Variants in HECTD4 observed in about 807,000 individuals in gnomAD.
HECTD4 encodes probable E3 ubiquitin-protein ligase HECTD4.
HECTD4 carries 114 observed loss-of-function variants against 471.5 expected under a neutral mutation model. The ratio of observed to expected loss-of-function variants is 0.24; its 90% CI spans 0.21 to 0.28. The LOEUF is 0.28. Among genes scored for constraint, HECTD4 ranks in the 10% least tolerant of loss-of-function variants. The pLI is 1.00. For missense variants in HECTD4, 3,866 were observed against 5,651.5 expected, an observed-to-expected ratio of 0.68 and a Z score of 10.13; for synonymous variants, 2,012 against 2,256.0, an observed-to-expected ratio of 0.89 and a Z score of 3.07.
intron 66 of HECTD4, among the ~76,000 whole-genome samples, chr12:112,174,751 A>G (rs1468147217): frequency 6.6e-6 from 1 of 151,428 alleles, no homozygotes; most frequent in African/African-American, 2.4e-5. Context: ...TTTAGTAGAG[A>G]CGGGGTTTCA....
At chr12:112,251,987 A>G (rs1218669016) in intron 23 of HECTD4, among the ~76,000 whole-genome samples, 1 of 151,964 alleles carries the variant, frequency 6.6e-6, no homozygotes. Flanking sequence ...GGCCAGGCTG[A>G]TCTCGAACTC....
At chr12:112,250,922 C>A (rs1490748257) in intron 24 of HECTD4, 49 bp downstream of exon 24, 9 of 1,530,890 alleles carry the variant, frequency 5.9e-6, no homozygotes, top group Non-Finnish European at 7.9e-6. Flanking sequence ...CACATAAAGT[C>A]CTTTTTCCTT....
At chr12:112,187,019 G>A (rs1051453684) in intron 60 of HECTD4, among the ~76,000 whole-genome samples, 8 of 143,702 alleles carry the variant, frequency 5.6e-5, no homozygotes, top group Admixed American at 6.9e-5. Context: ...CGCTCTTGTT[G>A]CCCAGGCTGG....
chr12:112,218,324 G>C (rs2032987170), intron 45 of HECTD4, among the ~76,000 whole-genome samples: 1 of 152,110 alleles, frequency 6.6e-6, no homozygotes, highest in African/African-American at 2.4e-5. Context: ...CCATTATCGT[G>C]ATCTAATTTT....
chr12:112,333,763 C>CA (rs1670017590), intron 1 of HECTD4, among the ~76,000 whole-genome samples: 1 of 152,140 alleles, frequency 6.6e-6, no homozygotes, highest in South Asian at 2.1e-4. Context: ...CATACTCTTA[C>CA]AAAAAGGAAA....
At position 112,334,417 on chromosome 12, in the gene HECTD4, CAT is replaced by C. The variant is rs571716183; in HGVS notation, c.178-14677_178-14676del. On this transcript the variant is annotated intron_variant, in intron 1 of 75. Coordinates refer to ENST00000682272, the MANE Select transcript of HECTD4 (RefSeq NM_001388303.1). ...AGAAGATATACAAATGGCCAACAAA[CAT>C]ATGAAAAAATGCTCAACATCACTAA... Among the ~76,000 whole-genome samples, 43 of 150,978 alleles carry C rather than the reference CAT, an allele frequency of 2.8e-4. No individual in the cohort carries two copies. In the East Asian group the frequency reaches 6.6e-3, roughly 23 times the overall value.
At chr12:112,221,601 G>T (rs141099703) in intron 44 of HECTD4, among the ~76,000 whole-genome samples, 1 of 152,244 alleles carries the variant, frequency 6.6e-6, no homozygotes, top group Non-Finnish European at 1.5e-5. Flanking sequence ...GGACAAAGAA[G>T]AGGCATTATA....
At chr12:112,252,715 C>T (rs1254019325) in intron 22 of HECTD4, among the ~76,000 whole-genome samples, 187 bp from the exon 23 acceptor site, 2 of 152,160 alleles carry the variant, frequency 1.3e-5, no homozygotes, top group Non-Finnish European at 2.9e-5. Context: ...AGTGTCTCTC[C>T]TGATGAGGTC....
chr12:112,256,332 A>G lies in HECTD4; in HGVS notation c.3315T>C (p.Tyr1105=), dbSNP rs751081683. 6.2e-7 allele frequency: 1 copy of G among 1,602,890 alleles called. No individual in the cohort carries two copies. The highest frequency in any genetic ancestry group is 1.1e-5 in the South Asian group (1 of 88,288). ...AGTTCTTACTTACTTTGTCATAGTCATATTGCGAAGAGCATCTGCTATCAA... is the reference window on the plus strand; with the variant it reads ...AGTTCTTACTTACTTTGTCATAGTCGTATTGCGAAGAGCATCTGCTATCAA... ...LRFDSRCSSQ[Y]DYDKLVIYAG... The change falls in exon 21 of 76, where the codon TAT becomes TAC. Residue 1105 remains tyrosine, a synonymous_variant. Coordinates refer to ENST00000682272, the MANE Select transcript of HECTD4 (RefSeq NM_001388303.1).
rs2035161140 is a variant in HECTD4, at chr12:112,301,344, C to T, written c.1335+4720G>A. 3.3e-5 allele frequency among the ~76,000 whole-genome samples: 5 copies of T among 151,618 alleles called. 1 individual carries two copies. The South Asian group carries it at 1.0e-3, about 32-fold the overall frequency. On this transcript the variant is annotated intron_variant, in intron 7 of 75. Transcript: ENST00000682272. ...CTTTACAGGTGCCCACCACCATGCCCAGCTAATTTTTGTATTTTTAGTAGG... is the reference window on the plus strand; with the variant it reads ...CTTTACAGGTGCCCACCACCATGCCTAGCTAATTTTTGTATTTTTAGTAGG...
intron 54 of HECTD4, chr12:112,201,323 C>T (rs373490290): frequency 4.7e-6 from 1 of 212,232 alleles, no homozygotes; most frequent in African/African-American, 2.4e-5. Context: ...AACTCCTCAC[C>T]TCAAGTGATC....
chr12:112,319,853 T>A lies in HECTD4; in HGVS notation c.178-111A>T. ...AAATAGTCAACGCCAAAAATTATTT[T>A]AATTACAATCAAATGGAAAACGTAT... is the stretch of plus-strand genomic sequence containing the variant. On this transcript the variant is annotated intron_variant, in intron 1 of 75. Coordinates refer to ENST00000682272, the MANE Select transcript of HECTD4 (RefSeq NM_001388303.1). This position sits in a 1 kb window ranked among gnomAD's most constrained non-coding sequence, Gnocchi z 5.3. 1 of 725,370 alleles carries A rather than the reference T, an allele frequency of 1.4e-6. No individual in the cohort carries two copies. The highest frequency in any genetic ancestry group is 1.9e-6 in the Non-Finnish European group (1 of 524,310). The allele number at this position is 725,370 out of a possible 1,614,324, so 44.9% of individuals were successfully genotyped here.
At chr12:112,375,394 G>C (rs2036757912) in intron 1 of HECTD4, among the ~76,000 whole-genome samples, 1 of 152,180 alleles carries the variant, frequency 6.6e-6, no homozygotes. Context: ...GCGGGGTGGA[G>C]AGGGAGTACT....
intron 11 of HECTD4, among the ~76,000 whole-genome samples, chr12:112,271,755 AT>A (rs950417001): frequency 3.9e-4 from 59 of 151,074 alleles, no homozygotes; most frequent in African/African-American, 1.3e-3. Context: ...TGGAATTTCC[AT>A]TTTTTTTTGT....
At chr12:112,232,199 C>T (rs529142264) in intron 38 of HECTD4, among the ~76,000 whole-genome samples, 20 of 152,270 alleles carry the variant, frequency 1.3e-4, no homozygotes, top group Middle Eastern at 3.4e-3. Flanking sequence ...GGTGCGATCT[C>T]GGCTCACTGC....
At chr12:112,352,411 T>C (rs576012990) in intron 1 of HECTD4, among the ~76,000 whole-genome samples, 135 of 151,292 alleles carry the variant, frequency 8.9e-4, no homozygotes, top group African/African-American at 3.2e-3. Flanking sequence ...TCTCGGCTCA[T>C]TGCAACCTCC....
In HECTD4 at chr12:112,269,775, A is replaced by G. The variant is rs745438249; in HGVS notation, c.2250T>C (p.Leu750=). Residue 750 remains leucine, a synonymous_variant, in exon 13 of 76, where the codon CTT becomes CTC. Transcript: ENST00000682272. Reference sequence around the variant, plus strand: ...CTTTTGGAGCCATCAACAACTGCCAAAGAAGCAATCCCGACCGTCGAATGA... The same window carrying G: ...CTTTTGGAGCCATCAACAACTGCCAGAGAAGCAATCCCGACCGTCGAATGA... ...RDIIRRSGLL[L]WQLLMAPKDQ... 8 of 1,614,052 alleles carry G rather than the reference A, an allele frequency of 5.0e-6. No individual in the cohort carries two copies. In the South Asian group the frequency reaches 8.8e-5, roughly 18 times the overall value.
At chr12:112,223,048 A>C (rs2033142646) in intron 44 of HECTD4, among the ~76,000 whole-genome samples, 1 of 152,052 alleles carries the variant, frequency 6.6e-6, no homozygotes, top group African/African-American at 2.4e-5. Context: ...AAAGCTCAGG[A>C]GAAGGGTAGG....
At chr12:112,348,914 T>A (rs998416464) in intron 1 of HECTD4, among the ~76,000 whole-genome samples, 16 of 152,118 alleles carry the variant, frequency 1.1e-4, no homozygotes, top group Admixed American at 2.6e-4. Flanking sequence ...AACAGAGGAA[T>A]TATGGTTGAT....
Sources: allele counts gnomAD v4.1 joint callset (sites outside exome capture counted in the v4.1 genomes callset), GRCh38; gene constraint gnomAD v4.1.1; non-coding constraint Gnocchi (gnomAD v3.1); transcripts MANE v1.5; gene names NCBI Gene and HGNC (gene_info 2026-07-23, HGNC 2026-07-21).